FNIP2: variants seen among roughly 807,000 people sequenced by gnomAD.
FNIP2 encodes the protein folliculin interacting protein 2, also known as folliculin-interacting protein 2.
Under a neutral mutation model 108.7 loss-of-function variants are expected in FNIP2, and 32 were observed. The observed-to-expected ratio is 0.29, with a 90% CI of 0.22 to 0.40. The LOEUF (loss-of-function observed/expected upper bound fraction) is 0.40. Among genes scored for constraint, FNIP2 ranks in the 10% least tolerant of loss-of-function variants. The pLI is 1.00. For missense variants in FNIP2, 1,202 were observed against 1,381.6 expected (o/e 0.87, Z 2.06); for synonymous variants, 480 against 496.7 (o/e 0.97, Z 0.45).
chr4:158,856,987 G>A (rs1288773291), intron 8 of FNIP2, among the ~76,000 whole-genome samples: 1 of 152,212 alleles, frequency 6.6e-6, no homozygotes, highest in Admixed American at 6.5e-5. Context: ...AGAATTCAGT[G>A]GAGGGTTATG....
At chr4:158,795,234 C>T (rs1776548565) in intron 1 of FNIP2, among the ~76,000 whole-genome samples, 1 of 152,168 alleles carries the variant, frequency 6.6e-6, no homozygotes, top group African/African-American at 2.4e-5. Context: ...TGACTATTTT[C>T]AGAACTTAGA....
intron 1 of FNIP2, among the ~76,000 whole-genome samples, chr4:158,806,894 C>T (rs981382310): frequency 6.6e-6 from 1 of 152,146 alleles, no homozygotes; most frequent in Admixed American, 6.5e-5. Flanking sequence ...CAGTCTTCCT[C>T]TGGAAGACCC....
intron 7 of FNIP2, among the ~76,000 whole-genome samples, chr4:158,840,672 A>G (rs1226234692): frequency 6.6e-6 from 1 of 152,226 alleles, no homozygotes; most frequent in Non-Finnish European, 1.5e-5. Context: ...CTGGGATTAC[A>G]GGTGTGAGCC....
chr4:158,901,440 C>T (rs1259413306), intron 16 of FNIP2, among the ~76,000 whole-genome samples: 1 of 152,038 alleles, frequency 6.6e-6, no homozygotes, highest in African/African-American at 2.4e-5. Context: ...TCATTTCAAC[C>T]TCCGTGAATC....
chr4:158,833,864 T>C, intron 6 of FNIP2: 3 of 1,462,348 alleles, frequency 2.1e-6, no homozygotes, highest in Non-Finnish European at 2.7e-6. Flanking sequence ...CCTCTCCGGC[T>C]CACCCGGAGT....
chr4:158,777,688 C>T (rs1194023177), intron 1 of FNIP2, among the ~76,000 whole-genome samples: 1 of 152,156 alleles, frequency 6.6e-6, no homozygotes, highest in Non-Finnish European at 1.5e-5. Flanking sequence ...CCCCTGGTAG[C>T]CACTTGGTGC....
At chr4:158,903,789 C>T (rs561226708) in intron 16 of FNIP2, among the ~76,000 whole-genome samples, 1 of 152,248 alleles carries the variant, frequency 6.6e-6, no homozygotes, top group African/African-American at 2.4e-5. Context: ...ACATAGTCCA[C>T]AAACTGAAAC....
intron 14 of FNIP2, among the ~76,000 whole-genome samples, chr4:158,880,585 TATA>T (rs1430536712): frequency 6.6e-6 from 1 of 152,144 alleles, no homozygotes; most frequent in Non-Finnish European, 1.5e-5. Context: ...GAACTTAAAG[TATA>T]ATAATAATAA....
chr4:158,786,373 A>G (rs1050335417), intron 1 of FNIP2, among the ~76,000 whole-genome samples: 2 of 152,212 alleles, frequency 1.3e-5, no homozygotes, highest in African/African-American at 4.8e-5. Context: ...CCTGTGTACT[A>G]ATGCAGTTCA....
chr4:158,877,296 G>A (rs899409451), intron 14 of FNIP2, among the ~76,000 whole-genome samples: 3 of 152,070 alleles, frequency 2.0e-5, no homozygotes, highest in Non-Finnish European at 2.9e-5. Context: ...ACATTTTCCC[G>A]GAACCCCTCC....
At chr4:158,777,990 C>G (rs187328685) in intron 1 of FNIP2, among the ~76,000 whole-genome samples, 16 of 152,254 alleles carry the variant, frequency 1.1e-4, no homozygotes, top group Admixed American at 7.8e-4. Context: ...AAAATTCTTT[C>G]CCTCAGACAG....
At chr4:158,834,045 C>T (rs536373084) in intron 6 of FNIP2, 5 of 342,488 alleles carry the variant, frequency 1.5e-5, no homozygotes, top group South Asian at 2.9e-5. Context: ...CATGGTGTTT[C>T]GAAAATTCTG....
At chr4:158,874,106 G>A (rs866028393) in intron 14 of FNIP2, among the ~76,000 whole-genome samples, 1 of 152,164 alleles carries the variant, frequency 6.6e-6, no homozygotes, top group African/African-American at 2.4e-5. Context: ...CTCGTTTGTT[G>A]ATAATCTTAG....
chr4:158,868,700 G>A lies in FNIP2; in HGVS notation c.2064G>A (p.Val688=). Residue 688 remains valine (V), a synonymous_variant, in exon 13 of 17, where the codon GTG becomes GTA. Transcript: ENST00000264433. This position sits in a 1 kb window ranked among gnomAD's most constrained non-coding sequence, Gnocchi z 4.6. Reference sequence around the variant, plus strand: ...AAGCTGTCTGTGAGCTGTTGAAAGTGGAGATGCCTACAAGACTGCCAGACC... The same window carrying A: ...AAGCTGTCTGTGAGCTGTTGAAAGTAGAGATGCCTACAAGACTGCCAGACC... ...DQQAVCELLK[V]EMPTRLPDRS... The A allele has an allele frequency of 6.2e-7, 1 of 1,614,028 alleles. No individual in the cohort carries two copies. The highest frequency in any genetic ancestry group is 1.1e-5 in the South Asian group (1 of 91,086).
intron 8 of FNIP2, among the ~76,000 whole-genome samples, chr4:158,855,730 G>A (rs749843238): frequency 6.4e-4 from 98 of 152,344 alleles, no homozygotes; most frequent in Non-Finnish European, 1.2e-3. Flanking sequence ...ACAGGCGTGA[G>A]CCACTGCACC....
intron 7 of FNIP2, among the ~76,000 whole-genome samples, chr4:158,838,963 T>C (rs1227712449): frequency 6.6e-6 from 1 of 152,208 alleles, no homozygotes; most frequent in African/African-American, 2.4e-5. Flanking sequence ...ACTGAGGTTG[T>C]GGGTTTGGGG....
At chr4:158,846,363 G>A (rs73858595) in intron 7 of FNIP2, among the ~76,000 whole-genome samples, 5 of 151,896 alleles carry the variant, frequency 3.3e-5, no homozygotes, top group African/African-American at 7.3e-5. Flanking sequence ...TTCAGAATCC[G>A]CTAGCAGATA....
chr4:158,894,366 C>T (rs1388044426), intron 15 of FNIP2, among the ~76,000 whole-genome samples: 1 of 151,926 alleles, frequency 6.6e-6, no homozygotes, highest in Non-Finnish European at 1.5e-5. Context: ...GAGACAGAGG[C>T]TCACTATGTT....
intron 1 of FNIP2, among the ~76,000 whole-genome samples, chr4:158,795,352 T>A (rs1178791273): frequency 6.6e-6 from 1 of 152,224 alleles, no homozygotes; most frequent in African/African-American, 2.4e-5. Context: ...CTGCTCAGTG[T>A]TAGTATTAAC....
Sources: gnomAD v4.1 joint callset for allele counts (sites outside exome capture counted in the v4.1 genomes callset) on GRCh38, gnomAD v4.1.1 for gene constraint, Gnocchi (gnomAD v3.1) non-coding constraint, MANE v1.5 for transcripts, NCBI Gene and HGNC (gene_info 2026-07-23, HGNC 2026-07-21) for gene names.